Variants in TMEM117 observed in about 807,000 individuals in gnomAD.
TMEM117 encodes the protein transmembrane protein 117.
In TMEM117, 27 loss-of-function variants were observed where a neutral mutation model predicts 52.4. That is an observed-to-expected ratio of 0.51 (90% CI 0.38 to 0.71). The LOEUF (loss-of-function observed/expected upper bound fraction) is 0.71, where lower values mean the gene tolerates loss of function less well. Ranked by LOEUF, TMEM117 falls within the 30% of genes least tolerant of loss-of-function variation. The probability of loss-of-function intolerance (pLI) is 0.00; values close to 1 mark genes in which losing one functional copy is unlikely to be tolerated. For missense variants in TMEM117, 556 were observed against 630.5 expected, an observed-to-expected ratio of 0.88 and a Z score of 1.26; for synonymous variants, 215 against 206.3, an observed-to-expected ratio of 1.04 and a Z score of -0.36.
chr12:44,289,922 T>A (rs957417564), intron 5 of TMEM117, among the ~76,000 whole-genome samples: 3 of 152,162 alleles, frequency 2.0e-5, no homozygotes, highest in African/African-American at 7.2e-5. Flanking sequence ...CAGCAATATG[T>A]CATTGTAGTT....
intron 2 of TMEM117, among the ~76,000 whole-genome samples, chr12:43,846,409 G>T (rs1298473925): frequency 6.6e-6 from 1 of 152,184 alleles, no homozygotes; most frequent in Admixed American, 6.5e-5. Context: ...ATTACCTAGA[G>T]AGACTGGGTT....
intron 6 of TMEM117, among the ~76,000 whole-genome samples, chr12:44,367,501 T>C (rs1310575346): frequency 1.3e-5 from 2 of 152,130 alleles, no homozygotes; most frequent in East Asian, 3.9e-4. Context: ...CAGTCTTCTT[T>C]ATGGGATTCT....
the TMEM117 span, among the ~76,000 whole-genome samples, chr12:43,808,121 C>G: frequency 1.3e-5 from 2 of 152,154 alleles, no homozygotes; most frequent in African/African-American, 4.8e-5. Flanking sequence ...CATTTGAAAA[C>G]AATGTATGCA....
intron 4 of TMEM117, among the ~76,000 whole-genome samples, chr12:44,166,291 G>T (rs1484778009): frequency 6.6e-6 from 1 of 152,138 alleles, no homozygotes; most frequent in African/African-American, 2.4e-5. Flanking sequence ...AAATAAACAG[G>T]CCAGTGACAT....
intron 3 of TMEM117, among the ~76,000 whole-genome samples, chr12:44,048,689 T>C (rs781074143): frequency 6.6e-6 from 1 of 152,188 alleles, no homozygotes; most frequent in Admixed American, 6.5e-5. Flanking sequence ...AGCATATCCA[T>C]TGCGTGAGAG....
At chr12:44,140,524 A>G (rs368768204) in intron 3 of TMEM117, among the ~76,000 whole-genome samples, 1 of 152,262 alleles carries the variant, frequency 6.6e-6, no homozygotes, top group South Asian at 2.1e-4. Flanking sequence ...CTTGGTTTTC[A>G]GTGATAGGAG....
chr12:44,092,610 T>C (rs71455473), intron 3 of TMEM117, among the ~76,000 whole-genome samples: 6,759 of 152,304 alleles, frequency 0.044, 205 homozygotes, highest in Non-Finnish European at 0.073. Context: ...ATAGCTGTTG[T>C]TGAAGCTAAC....
At chr12:44,157,107 A>C (rs926489833) in intron 4 of TMEM117, among the ~76,000 whole-genome samples, 2 of 152,210 alleles carry the variant, frequency 1.3e-5, no homozygotes, top group East Asian at 3.9e-4. Flanking sequence ...CATAATATGA[A>C]GAACAATCCT....
chr12:44,269,145 C>A (rs1326764954), intron 5 of TMEM117, among the ~76,000 whole-genome samples: 2 of 152,048 alleles, frequency 1.3e-5, no homozygotes, highest in African/African-American at 4.8e-5. Context: ...TATTGTCTGA[C>A]ATTCAAACTG....
chr12:43,797,857 C>G, the TMEM117 span: 9 of 1,606,024 alleles, frequency 5.6e-6, no homozygotes, highest in African/African-American at 1.3e-5. Flanking sequence ...ATTTAATTTA[C>G]AAGTTTAGCA....
intron 4 of TMEM117, among the ~76,000 whole-genome samples, chr12:44,178,198 C>T (rs1949142451): frequency 6.6e-6 from 1 of 152,148 alleles, no homozygotes; most frequent in East Asian, 1.9e-4. Context: ...CCCAATATTA[C>T]ATTTGTCTCT....
intron 6 of TMEM117, among the ~76,000 whole-genome samples, chr12:44,369,459 A>G (rs968680427): frequency 6.6e-6 from 1 of 152,152 alleles, no homozygotes; most frequent in African/African-American, 2.4e-5. Context: ...GCACTAAACT[A>G]TTACTTATAT....
chr12:43,842,939 C>T (rs78362070), intron 1 of TMEM117, among the ~76,000 whole-genome samples: 2,315 of 152,264 alleles, frequency 0.015, 65 homozygotes, highest in African/African-American at 0.051. Context: ...TGGTGATCAG[C>T]ACCTGGAGTC....
the TMEM117 span, among the ~76,000 whole-genome samples, chr12:44,394,783 A>T: frequency 6.6e-6 from 1 of 152,190 alleles, no homozygotes; most frequent in Non-Finnish European, 1.5e-5. Flanking sequence ...GAGCCCCTGC[A>T]CTTTAGGATC....
chr12:43,872,528 A>AT (rs942537248), intron 2 of TMEM117, among the ~76,000 whole-genome samples: 35 of 152,244 alleles, frequency 2.3e-4, no homozygotes, highest in African/African-American at 7.9e-4. Context: ...TCAAATACTT[A>AT]TTTTTTCAGA....
At chr12:44,282,526 C>T (rs1237047232) in intron 5 of TMEM117, among the ~76,000 whole-genome samples, 4 of 152,264 alleles carry the variant, frequency 2.6e-5, no homozygotes, top group Middle Eastern at 3.4e-3. Context: ...AAGAGACTAA[C>T]GTCATTTTGC....
In TMEM117 at chr12:44,117,221, A is replaced by G. The variant is rs1179985454; in HGVS notation, c.411-26304A>G. Among the ~76,000 whole-genome samples the G allele has an allele frequency of 2.6e-5, 4 of 152,082 alleles. No homozygotes were observed. In the East Asian group the frequency reaches 7.7e-4, roughly 29 times the overall value. Reference sequence around the variant, plus strand: ...ATCTCTCTTGCCTCCTTACTTTTGCATATATTGTTTCTTCTACCTGAAATG... The same window carrying G: ...ATCTCTCTTGCCTCCTTACTTTTGCGTATATTGTTTCTTCTACCTGAAATG... On this transcript the variant is annotated intron_variant, in intron 3 of 7. Transcript: ENST00000266534.
chr12:44,108,190 A>AATTTATTT (rs556684583), intron 3 of TMEM117, among the ~76,000 whole-genome samples: 1 of 151,704 alleles, frequency 6.6e-6, no homozygotes, highest in Non-Finnish European at 1.5e-5. Flanking sequence ...ACTTGTACCA[A>AATTTATTT]ATTTATTTAT....
intron 3 of TMEM117, among the ~76,000 whole-genome samples, chr12:43,965,018 A>T (rs1364696110): frequency 6.6e-6 from 1 of 152,164 alleles, no homozygotes; most frequent in African/African-American, 2.4e-5. Context: ...ACACAGTTGG[A>T]ATTTGATCAT....
Sources: gnomAD v4.1 joint callset for allele counts (sites outside exome capture counted in the v4.1 genomes callset) on GRCh38, gnomAD v4.1.1 for gene constraint, MANE v1.5 for transcripts, NCBI Gene and HGNC (gene_info 2026-07-23, HGNC 2026-07-21) for gene names.